COL15A1: variants seen among roughly 807,000 people sequenced by gnomAD.
COL15A1 encodes the protein collagen alpha-1(XV) chain.
COL15A1 carries 111 observed loss-of-function variants against 165.9 expected under a neutral mutation model. The observed-to-expected ratio is 0.67, with a 90% CI of 0.57 to 0.78. COL15A1 has a LOEUF of 0.78. Among genes scored for constraint, COL15A1 ranks in the 30% least tolerant of loss-of-function variants. COL15A1 has a pLI of 0.00. For missense variants in COL15A1, 1,745 were observed against 1,789.7 expected (o/e 0.98, Z 0.45); for synonymous variants, 659 against 674.8 (o/e 0.98, Z 0.36).
At chr9:99,056,719 C>G (rs1391039747) in intron 35 of COL15A1, among the ~76,000 whole-genome samples, 2 of 152,172 alleles carry the variant, frequency 1.3e-5, no homozygotes, top group Admixed American at 6.5e-5. Context: ...CTCTTTCCCT[C>G]TCCTCCACCA....
chr9:99,066,612 T>A (rs1356554626), intron 39 of COL15A1, among the ~76,000 whole-genome samples: 1 of 144,302 alleles, frequency 6.9e-6, no homozygotes, highest in African/African-American at 2.6e-5. Context: ...TTTTTTTTTT[T>A]TTTTTTTTTT....
intron 12 of COL15A1, among the ~76,000 whole-genome samples, chr9:99,021,241 C>T (rs1839022048): frequency 6.6e-6 from 1 of 152,190 alleles, no homozygotes; most frequent in Admixed American, 6.5e-5. Flanking sequence ...AGATGATGCT[C>T]CCGTCCTGGG....
At chr9:99,034,400 G>T in intron 16 of COL15A1, 149 bp from the exon 17 acceptor site, 1 of 1,300,318 alleles carries the variant, frequency 7.7e-7, no homozygotes, top group Non-Finnish European at 1.0e-6. Flanking sequence ...CTATTGTAAT[G>T]TGTTTGGTTT....
chr9:98,959,759 C>T (rs1489860205), intron 2 of COL15A1, among the ~76,000 whole-genome samples: 2 of 152,210 alleles, frequency 1.3e-5, no homozygotes, highest in Admixed American at 1.3e-4. Context: ...TGTCCTCTAG[C>T]ATGGCTTCTC....
Position 99,015,675 on chromosome 9 carries a change from G to A in COL15A1, c.1503+109G>A, listed in dbSNP as rs1007082336. ...AGGGGCACCTGTAGCTTGGTTATGA[G>A]CACATGTCTGGGTGGGCAGCTGCTG... On this transcript the variant is annotated intron_variant, in intron 10 of 41. Coordinates refer to ENST00000375001, the MANE Select transcript of COL15A1 (RefSeq NM_001855.5). The A allele has an allele frequency of 3.5e-4, 377 of 1,063,548 alleles. 1 individual carries two copies. Among genetic ancestry groups the A allele is most frequent in the Admixed American group, 3.2e-4 (15 of 46,882 alleles). The allele number at this position is 1,063,548 out of a possible 1,614,324, so 65.9% of individuals were successfully genotyped here. A position where few individuals can be genotyped will look rare whatever the true frequency, so the allele number is the denominator to read the frequency against.
At chr9:98,944,381 C>T in intron 2 of COL15A1, 131 bp downstream of exon 2, 1 of 918,072 alleles carries the variant, frequency 1.1e-6, no homozygotes, top group Non-Finnish European at 1.7e-6. Context: ...ACTCAGTGCG[C>T]ACTGGCGGTC....
At chr9:98,965,439 T>A (rs185485289) in intron 2 of COL15A1, among the ~76,000 whole-genome samples, 2 of 152,186 alleles carry the variant, frequency 1.3e-5, no homozygotes, top group East Asian at 3.9e-4. Context: ...CCCCACCCCA[T>A]CAGACTGCCT....
At chr9:99,017,968 C>T (rs1189592968) in intron 11 of COL15A1, among the ~76,000 whole-genome samples, 1 of 152,192 alleles carries the variant, frequency 6.6e-6, no homozygotes, top group African/African-American at 2.4e-5. Flanking sequence ...CCACCTCCTA[C>T]CACCATCTTT....
chr9:99,064,048 A>G (rs1212598575), intron 39 of COL15A1, among the ~76,000 whole-genome samples: 3 of 152,102 alleles, frequency 2.0e-5, no homozygotes, highest in African/African-American at 4.8e-5. Context: ...TCTTGTCTCT[A>G]TTAGTCTGCT....
chr9:98,958,933 C>T (rs985983964), intron 2 of COL15A1, among the ~76,000 whole-genome samples: 45 of 151,906 alleles, frequency 3.0e-4, no homozygotes, highest in African/African-American at 7.5e-4. Context: ...ATGGCTGATG[C>T]GCCCCATTTC....
rs1564071517 is a variant in COL15A1, at chr9:99,033,668, T to C, written c.2044-881T>C. On this transcript the variant is annotated intron_variant, in intron 16 of 41. Transcript: ENST00000375001. ...CTATCCATTCTCTCATTTCCATGGA[T>C]TTGATATAAGGAGGAGACTGTAGCC... 3.9e-5 allele frequency among the ~76,000 whole-genome samples: 6 copies of C among 152,218 alleles called. No homozygotes were observed. The South Asian group carries it at 1.2e-3, about 32-fold the overall frequency.
chr9:99,056,580 T>C (rs1193492927), intron 35 of COL15A1, among the ~76,000 whole-genome samples, 176 bp downstream of exon 35: 3 of 152,218 alleles, frequency 2.0e-5, no homozygotes, highest in Admixed American at 6.5e-5. Context: ...TTCACCCACC[T>C]AAAGTGTCTA....
At chr9:98,946,383 G>C (rs941389262) in intron 2 of COL15A1, among the ~76,000 whole-genome samples, 6 of 152,164 alleles carry the variant, frequency 3.9e-5, no homozygotes, top group African/African-American at 1.4e-4. Context: ...GATGGAGAAG[G>C]CTTTAGGGGT....
chr9:99,056,583 A>G (rs1017739118), intron 35 of COL15A1, among the ~76,000 whole-genome samples, 179 bp downstream of exon 35: 20 of 152,120 alleles, frequency 1.3e-4, no homozygotes, highest in African/African-American at 4.6e-4. Flanking sequence ...ACCCACCTAA[A>G]GTGTCTAATC....
At chr9:98,955,334 T>C (rs1368787333) in intron 2 of COL15A1, among the ~76,000 whole-genome samples, 1 of 152,230 alleles carries the variant, frequency 6.6e-6, no homozygotes, top group Admixed American at 6.5e-5. Flanking sequence ...TGGTGATCAG[T>C]TCAATGCCTC....
At chr9:99,028,574 C>T (rs926571970) in intron 16 of COL15A1, among the ~76,000 whole-genome samples, 2 of 152,054 alleles carry the variant, frequency 1.3e-5, no homozygotes, top group Non-Finnish European at 2.9e-5. Flanking sequence ...TCGCTTGACC[C>T]GGGAGCCAGA....
intron 35 of COL15A1, among the ~76,000 whole-genome samples, chr9:99,058,755 T>C (rs560915588): frequency 6.6e-6 from 1 of 152,298 alleles, no homozygotes. Flanking sequence ...GAGACTTACT[T>C]GAGGTCACAA....
At chr9:99,015,844 C>A in intron 10 of COL15A1, 132 bp from the exon 11 acceptor site, 3 of 1,091,518 alleles carry the variant, frequency 2.7e-6, no homozygotes, top group Non-Finnish European at 2.7e-6. Flanking sequence ...AAGGGGTGTG[C>A]TGGGGGTAAC....
At chr9:99,049,790 G>A (rs13296166) in intron 29 of COL15A1, 32 bp downstream of exon 29, 222,039 of 1,614,146 alleles carry the variant, frequency 0.14, 15,956 homozygotes, top group South Asian at 0.2. Flanking sequence ...AGACCTTCCC[G>A]ATTGGCCTAA....
Sources: allele counts gnomAD v4.1 joint callset (sites outside exome capture counted in the v4.1 genomes callset), GRCh38; gene constraint gnomAD v4.1.1; transcripts MANE v1.5; gene names NCBI Gene and HGNC (gene_info 2026-07-23, HGNC 2026-07-21).